Variants in PATJ observed in about 807,000 individuals in gnomAD.
The protein encoded by PATJ is PATJ crumbs cell polarity complex component, also known as inaD-like protein.
A neutral mutation model predicts 224.9 loss-of-function variants in PATJ; 190 were observed. The observed-to-expected ratio is 0.84, with a 90% CI of 0.75 to 0.95. The LOEUF (loss-of-function observed/expected upper bound fraction) is 0.95. Among genes scored for constraint, PATJ ranks in the 40% least tolerant of loss-of-function variants. PATJ has a pLI of 0.00. For missense variants in PATJ, 2,121 were observed against 2,270.3 expected (o/e 0.93, Z 1.34); for synonymous variants, 769 against 820.3 (o/e 0.94, Z 1.07).
chr1:62,007,561 G>A (rs1015624686), intron 28 of PATJ, among the ~76,000 whole-genome samples: 7 of 152,218 alleles, frequency 4.6e-5, no homozygotes, highest in Non-Finnish European at 2.9e-5. Flanking sequence ...GAATTAGCAG[G>A]AGCCTAAGAA....
At chr1:61,806,657 C>A (rs1428899859) in intron 13 of PATJ, among the ~76,000 whole-genome samples, 2 of 151,620 alleles carry the variant, frequency 1.3e-5, no homozygotes. Flanking sequence ...ACAATTCACA[C>A]TTTCTCTTGG....
At chr1:62,084,389 T>C in intron 32 of PATJ, 126 bp from the exon 33 acceptor site, 1 of 973,374 alleles carries the variant, frequency 1.0e-6, no homozygotes, top group Admixed American at 3.4e-5. Context: ...TTTTGCTTCA[T>C]GGTGTTTGGC....
chr1:61,858,190 G>C lies in PATJ; in HGVS notation c.2322+1951G>C, dbSNP rs566581485. Among the ~76,000 whole-genome samples, 28 of 152,242 alleles carry C rather than the reference G, an allele frequency of 1.8e-4. No homozygotes were observed. In the East Asian group the frequency reaches 5.0e-3, roughly 27 times the overall value. On this transcript the variant is annotated intron_variant, in intron 18 of 43. Transcript: ENST00000642238. Reference sequence around the variant, plus strand: ...TTTTACTCATGGCAGAAGACAAAGTGGGGGCAGGCACTCGTATGGCAAAAG... The same window carrying C: ...TTTTACTCATGGCAGAAGACAAAGTCGGGGCAGGCACTCGTATGGCAAAAG...
At chr1:62,006,362 C>A (rs561074094) in intron 28 of PATJ, among the ~76,000 whole-genome samples, 1 of 152,226 alleles carries the variant, frequency 6.6e-6, no homozygotes, top group African/African-American at 2.4e-5. Context: ...GCAATCCACC[C>A]GCCTTGGCCT....
intron 14 of PATJ, among the ~76,000 whole-genome samples, 164 bp from the exon 15 acceptor site, chr1:61,822,781 C>A (rs1657544133): frequency 6.6e-6 from 1 of 152,212 alleles, no homozygotes; most frequent in South Asian, 2.1e-4. Context: ...CCAATGACTT[C>A]ATAATTTTAC....
intron 1 of PATJ, among the ~76,000 whole-genome samples, chr1:61,746,217 C>T (rs368493761): frequency 5.9e-5 from 9 of 152,140 alleles, no homozygotes; most frequent in Non-Finnish European, 5.9e-5. Flanking sequence ...GCCAGGATTA[C>T]GGATGTGAGC....
At chr1:62,145,367 T>A (rs1667938762) in intron 41 of PATJ, among the ~76,000 whole-genome samples, 1 of 152,148 alleles carries the variant, frequency 6.6e-6, no homozygotes, top group African/African-American at 2.4e-5. Context: ...GTGATGGTGG[T>A]AAGAAGGAAA....
In PATJ at chr1:61,933,607, C is replaced by T. The variant is rs970527171; in HGVS notation, c.3670+5778C>T. Reference sequence around the variant, plus strand: ...GAGCATAAAGAGATCACTCAGTTGACTGTTATGTGGTGACTTGAAAGTCTT... The same window carrying T: ...GAGCATAAAGAGATCACTCAGTTGATTGTTATGTGGTGACTTGAAAGTCTT... On this transcript the variant is annotated intron_variant, in intron 27 of 43. Transcript: ENST00000642238. Among the ~76,000 whole-genome samples, 66 of 151,616 alleles carry T rather than the reference C, an allele frequency of 4.4e-4. 1 individual carries two copies. Among genetic ancestry groups the T allele is most frequent in the Admixed American group, 4.3e-3 (65 of 15,226 alleles).
At chr1:62,152,861 G>A (rs974441068) in intron 42 of PATJ, among the ~76,000 whole-genome samples, 1 of 151,882 alleles carries the variant, frequency 6.6e-6, no homozygotes, top group Non-Finnish European at 1.5e-5. Flanking sequence ...AAAACTGGCC[G>A]GGTGCAGTGG....
At chr1:61,815,150 T>G (rs1352219154) in intron 14 of PATJ, among the ~76,000 whole-genome samples, 2 of 152,208 alleles carry the variant, frequency 1.3e-5, no homozygotes, top group Non-Finnish European at 2.9e-5. Context: ...AGGGAAAGCC[T>G]TTCTGAGCCC....
At chr1:61,840,267 C>G (rs915181157) in intron 17 of PATJ, among the ~76,000 whole-genome samples, 64 of 151,636 alleles carry the variant, frequency 4.2e-4, no homozygotes, top group Admixed American at 1.6e-3. Context: ...TTTTCCTTAC[C>G]CTATGCACAA....
intron 28 of PATJ, among the ~76,000 whole-genome samples, chr1:62,003,076 A>G (rs1645885228): frequency 6.6e-6 from 1 of 152,156 alleles, no homozygotes; most frequent in Non-Finnish European, 1.5e-5. Flanking sequence ...GTAATATCTC[A>G]ATGTCCTAGG....
intron 31 of PATJ, among the ~76,000 whole-genome samples, chr1:62,052,702 G>A (rs911254968): frequency 1.3e-5 from 2 of 151,052 alleles, no homozygotes; most frequent in East Asian, 1.9e-4. Context: ...CCAAGATCAC[G>A]CCATTGCACT....
At chr1:61,877,731 CAT>C (rs1667528546) in intron 21 of PATJ, among the ~76,000 whole-genome samples, 1 of 152,182 alleles carries the variant, frequency 6.6e-6, no homozygotes, top group Non-Finnish European at 1.5e-5. Flanking sequence ...GTCAATTAAA[CAT>C]GTTTTCTTTA....
At chr1:61,957,038 T>A (rs1680537843) in intron 27 of PATJ, among the ~76,000 whole-genome samples, 1 of 152,228 alleles carries the variant, frequency 6.6e-6, no homozygotes, top group Non-Finnish European at 1.5e-5. Context: ...CATGAGTATG[T>A]GGCCATTAAT....
intron 27 of PATJ, among the ~76,000 whole-genome samples, chr1:61,983,667 T>G (rs12095704): frequency 0.25 from 38,123 of 151,980 alleles, 5,155 homozygotes; most frequent in East Asian, 0.45. Context: ...TTTTCAGTAG[T>G]TTTAGATGGA....
chr1:61,763,687 T>TTTC (rs74524885), intron 3 of PATJ, among the ~76,000 whole-genome samples: 28,909 of 151,972 alleles, frequency 0.19, 3,096 homozygotes, highest in Non-Finnish European at 0.25. Context: ...TGAGACAAGG[T>TTTC]TTCTCTCTGT....
At chr1:62,102,761 G>A (rs1662339056) in intron 33 of PATJ, among the ~76,000 whole-genome samples, 1 of 149,408 alleles carries the variant, frequency 6.7e-6, no homozygotes, top group Non-Finnish European at 1.5e-5. Context: ...TTGGGAAGCT[G>A]AGATGGGAGG....
chr1:62,156,923 AAAAAATT>A (rs1229450356), intron 43 of PATJ, among the ~76,000 whole-genome samples: 6 of 152,104 alleles, frequency 3.9e-5, no homozygotes, highest in Non-Finnish European at 8.8e-5. Flanking sequence ...CAAAAAAAAA[AAAAAATT>A]AAAAGAAACT....
Sources: gnomAD v4.1 joint callset for allele counts (sites outside exome capture counted in the v4.1 genomes callset) on GRCh38, gnomAD v4.1.1 for gene constraint, MANE v1.5 for transcripts, NCBI Gene and HGNC (gene_info 2026-07-23, HGNC 2026-07-21) for gene names.